Variants in TBC1D32 observed in about 807,000 individuals in gnomAD.
TBC1D32 encodes the protein TBC1 domain family member 32.
Under a neutral mutation model 170.3 loss-of-function variants are expected in TBC1D32, and 151 were observed. The ratio of observed to expected loss-of-function variants is 0.89; its 90% CI spans 0.78 to 1.01. The LOEUF is 1.01. Among genes scored for constraint, TBC1D32 ranks in the 50% least tolerant of loss-of-function variants. The probability of loss-of-function intolerance (pLI) is 0.00; values close to 1 mark genes in which losing one functional copy is unlikely to be tolerated. For missense variants in TBC1D32, 1,464 were observed against 1,457.1 expected, an observed-to-expected ratio of 1.00 and a Z score of -0.08; for synonymous variants, 498 against 488.0, an observed-to-expected ratio of 1.02 and a Z score of -0.27.
intron 1 of TBC1D32, among the ~76,000 whole-genome samples, chr6:121,328,506 G>A (rs1308049164): frequency 4.6e-5 from 7 of 151,630 alleles, no homozygotes; most frequent in Non-Finnish European, 8.8e-5. Context: ...GGATGGTCTC[G>A]ATCTCCTGAC....
intron 19 of TBC1D32, among the ~76,000 whole-genome samples, chr6:121,239,392 C>T (rs995434035): frequency 1.3e-5 from 2 of 152,036 alleles, no homozygotes; most frequent in African/African-American, 4.8e-5. Flanking sequence ...TATCATAAAA[C>T]TCTGTAATAA....
chr6:121,100,102 T>A lies in TBC1D32; in HGVS notation c.3465+5921A>T, dbSNP rs151081620. On this transcript the variant is annotated intron_variant, in intron 30 of 31. Coordinates refer to ENST00000398212, the MANE Select transcript of TBC1D32 (RefSeq NM_152730.6). ...TTGAGTGAGTTTCTTAATCCTGAGT[T>A]CTACTTTAATTGCACTGTGGTCTGA... is the stretch of plus-strand genomic sequence containing the variant. 3.3e-4 allele frequency among the ~76,000 whole-genome samples: 50 copies of A among 152,140 alleles called. No homozygotes were observed. In the East Asian group the frequency reaches 9.7e-3, roughly 29 times the overall value.
At chr6:121,239,946 A>G (rs765887742) in intron 19 of TBC1D32, among the ~76,000 whole-genome samples, 4 of 152,190 alleles carry the variant, frequency 2.6e-5, no homozygotes, top group African/African-American at 9.7e-5. Flanking sequence ...CAAGAATATT[A>G]GAGTTTAAAT....
At chr6:121,099,713 G>C (rs1777804269) in intron 30 of TBC1D32, among the ~76,000 whole-genome samples, 1 of 151,876 alleles carries the variant, frequency 6.6e-6, no homozygotes, top group African/African-American at 2.4e-5. Context: ...AATATCAACA[G>C]AGCAATGATA....
intron 27 of TBC1D32, among the ~76,000 whole-genome samples, chr6:121,114,601 G>T (rs915389046): frequency 6.6e-6 from 1 of 151,966 alleles, no homozygotes; most frequent in Non-Finnish European, 1.5e-5. Context: ...AATCTTACAC[G>T]TATCTTTTTA....
At chr6:121,272,192 C>T (rs1178479179) in intron 15 of TBC1D32, among the ~76,000 whole-genome samples, 2 of 152,120 alleles carry the variant, frequency 1.3e-5, no homozygotes, top group Non-Finnish European at 2.9e-5. Context: ...AGGACATAGA[C>T]ATGGGCAAGG....
intron 22 of TBC1D32, among the ~76,000 whole-genome samples, chr6:121,191,774 G>C (rs1268821200): frequency 6.6e-6 from 1 of 152,082 alleles, no homozygotes; most frequent in Non-Finnish European, 1.5e-5. Context: ...TGCCGATGGA[G>C]ATGAACATTT....
intron 22 of TBC1D32, among the ~76,000 whole-genome samples, chr6:121,190,091 C>G (rs183565660): frequency 7.5e-6 from 1 of 133,844 alleles, no homozygotes; most frequent in Non-Finnish European, 1.6e-5. Flanking sequence ...CACACACACA[C>G]ACACACACAC....
At chr6:121,192,066 T>TTA (rs1554263739) in intron 22 of TBC1D32, among the ~76,000 whole-genome samples, 78,345 of 122,320 alleles carry the variant, frequency 0.64, 26,250 homozygotes, top group Non-Finnish European at 0.77. Context: ...AAACTACCCT[T>TTA]TATATATATA....
intron 21 of TBC1D32, among the ~76,000 whole-genome samples, chr6:121,206,531 T>C (rs1458687575): frequency 2.0e-5 from 3 of 152,054 alleles, no homozygotes. Context: ...AAAAAGAAAA[T>C]AATAGATATT....
chr6:121,246,380 A>T lies in TBC1D32; in HGVS notation c.2019-4041T>A, dbSNP rs1386806777. 7.9e-5 allele frequency among the ~76,000 whole-genome samples: 12 copies of T among 152,214 alleles called. No homozygotes were observed. In the East Asian group the frequency reaches 9.7e-4, roughly 12 times the overall value. On this transcript the variant is annotated intron_variant, in intron 17 of 31. Transcript: ENST00000398212. ...AAGTCAGATCCTTAAGAGAAAAAAA[A>T]TTTTTCTAATCCGATCAAAAATAAA...
rs981260917 is a variant in TBC1D32, at chr6:121,276,424, C to A, written c.1733+2697G>T. 3.3e-5 allele frequency among the ~76,000 whole-genome samples: 5 copies of A among 151,370 alleles called. No homozygotes were observed. In the South Asian group the frequency reaches 8.4e-4, roughly 25 times the overall value. On this transcript the variant is annotated intron_variant, in intron 15 of 31. Coordinates refer to ENST00000398212, the MANE Select transcript of TBC1D32 (RefSeq NM_152730.6). ...TAATAGCAACCATTAAAAAGAGTGACAAAAAAGTATAATTGATATACTAAG... is the reference window on the plus strand; with the variant it reads ...TAATAGCAACCATTAAAAAGAGTGAAAAAAAAGTATAATTGATATACTAAG...
chr6:121,199,585 TTTA>T (rs1791269252), intron 22 of TBC1D32, among the ~76,000 whole-genome samples: 1 of 151,354 alleles, frequency 6.6e-6, no homozygotes, highest in African/African-American at 2.5e-5. Flanking sequence ...AATCGATCAT[TTTA>T]TTATTTTTAT....
chr6:121,172,182 G>A (rs1383643004), intron 22 of TBC1D32, among the ~76,000 whole-genome samples: 2 of 152,040 alleles, frequency 1.3e-5, no homozygotes, highest in East Asian at 1.9e-4. Context: ...CCCCAGCCAC[G>A]TGGGAACTGT....
Position 121,080,347 on chromosome 6 carries a change from A to T in TBC1D32, c.*424T>A, listed in dbSNP as rs957443128. 1.5e-5 allele frequency: 5 copies of T among 327,434 alleles called. No homozygotes were observed. In the Admixed American group the frequency reaches 1.6e-4, roughly 10 times the overall value. The allele number at this position is 327,434 out of a possible 1,614,324, so 20.3% of individuals were successfully genotyped here. On this transcript the variant is annotated 3_prime_UTR_variant, in exon 32 of 32. Coordinates refer to ENST00000398212, the MANE Select transcript of TBC1D32 (RefSeq NM_152730.6). ...ATTCTCCTGCCTCAGCCTCCCAAGT[A>T]GCAGGGACTACAGGCGCATCACTGC...
chr6:121,204,126 T>C (rs1334513432), intron 22 of TBC1D32, among the ~76,000 whole-genome samples: 1 of 150,986 alleles, frequency 6.6e-6, no homozygotes, highest in African/African-American at 2.5e-5. Flanking sequence ...GTTTCCCCCA[T>C]CAAAACTTGC....
In TBC1D32 at chr6:121,304,811, G is replaced by T; in HGVS notation, c.713C>A (p.Ala238Glu). The stretch of plus-strand genomic sequence containing the variant: ...TAATGGAGAAAGCAAAAATGTCTGT[G>T]CACAGAATTTTAAAATCCGGTCCTA... ...VFSDRILKFC[A>E]QTFLLSPLHM... The change falls in exon 6 of 32, where the codon GCA (alanine) becomes GAA (glutamate). Residue 238 changes from alanine (A) to glutamate (E), a missense_variant. This residue lies in a region of TBC1D32 where 1,363 missense variants were observed against 1,338.1 expected (regional missense o/e 1.02). Transcript: ENST00000398212. 6.2e-7 allele frequency: 1 copy of T among 1,609,986 alleles called. No homozygotes were observed. The highest frequency in any genetic ancestry group is 1.1e-5 in the South Asian group (1 of 90,116).
intron 2 of TBC1D32, among the ~76,000 whole-genome samples, chr6:121,318,459 T>C (rs754117055): frequency 2.0e-5 from 3 of 152,052 alleles, no homozygotes; most frequent in Non-Finnish European, 4.4e-5. Context: ...GTCTAGCTCT[T>C]TATTTTACAA....
Position 121,303,661 on chromosome 6 carries a change from A to G in TBC1D32, c.1036T>C (p.Phe346Leu). 1 of 1,597,664 alleles carries G rather than the reference A, an allele frequency of 6.3e-7. No individual in the cohort carries two copies. The highest frequency in any genetic ancestry group is 8.6e-7 in the Non-Finnish European group (1 of 1,169,176). ...ACAGCCTTGGTATCAACTAATGCAA[A>G]AAAGTAGATCGGATCCAAAATCTTT... ...SQKILDPIYF[F>L]ALVDTKAVWF... The change falls in exon 9 of 32, where the codon TTT becomes CTT. Residue 346 changes from phenylalanine to leucine, a missense_variant. Phe to Leu is a conservative substitution (Grantham distance 22, BLOSUM62 0). Around this residue, in one of 3 missense-constraint regions of TBC1D32, gnomAD observed 1,363 missense variants for 1,338.1 expected, o/e 1.02. Coordinates refer to ENST00000398212, the MANE Select transcript of TBC1D32 (RefSeq NM_152730.6).
Sources: gnomAD v4.1 joint callset for allele counts (sites outside exome capture counted in the v4.1 genomes callset) on GRCh38, gnomAD v4.1.1 for gene constraint, gnomAD v4.1.1 regional missense constraint, MANE v1.5 for transcripts, NCBI Gene and HGNC (gene_info 2026-07-23, HGNC 2026-07-21) for gene names.